Variants in IL9 observed in about 807,000 individuals in gnomAD.
IL9 encodes interleukin 9.
Under a neutral mutation model 12.9 loss-of-function variants are expected in IL9, and 16 were observed. The ratio of observed to expected loss-of-function variants is 1.24; its 90% CI spans 0.84 to 1.88. IL9 has a LOEUF of 1.88. Among genes scored for constraint, IL9 ranks in the 40% most tolerant of loss-of-function variants. The pLI is 0.00. For synonymous variants in IL9, 69 were observed against 63.8 expected, an observed-to-expected ratio of 1.08 and a Z score of -0.39; for missense variants, 170 against 173.1, an observed-to-expected ratio of 0.98 and a Z score of 0.10.
In IL9 at chr5:135,894,031, T is replaced by C; in HGVS notation, c.304A>G (p.Asn102Asp). The stretch of plus-strand genomic sequence containing the variant: ...GAAAACAAACTTACTGGACACTTGT[T>C]GTTCTTTAGTACTTCAACTGATTTT... Reference protein sequence around the residue: ...VKKSVEVLKNNKCPYFSCEQP... With the variant: ...VKKSVEVLKNDKCPYFSCEQP... The change falls in exon 4 of 5, where the codon AAC (asparagine) becomes GAC (aspartate). Residue 102 changes from asparagine to aspartate, a missense_variant. Asn to Asp is a conservative substitution (Grantham distance 23). Transcript: ENST00000274520. 2 of 1,611,620 alleles carry C rather than the reference T, an allele frequency of 1.2e-6. No individual in the cohort carries two copies. Among genetic ancestry groups the C allele is most frequent in the South Asian group, 2.2e-5 (2 of 90,230 alleles).
At chr5:135,892,748 A>G (rs1477713140) in intron 4 of IL9, among the ~76,000 whole-genome samples, 2 of 117,412 alleles carry the variant, frequency 1.7e-5, no homozygotes, top group East Asian at 3.9e-4. Context: ...ACACACACAC[A>G]CACACACACA....
intron 3 of IL9, 32 bp downstream of exon 3, chr5:135,895,408 A>C: frequency 1.3e-6 from 2 of 1,574,334 alleles, no homozygotes; most frequent in African/African-American, 2.7e-5. Flanking sequence ...AAAAAATCCA[A>C]GGTCAACATT....
rs80141609 is a variant in IL9, at chr5:135,894,941, G to A, written c.183+499C>T. Among the ~76,000 whole-genome samples the A allele has an allele frequency of 2.6e-4, 40 of 152,328 alleles. No individual in the cohort carries two copies. In the East Asian group the frequency reaches 4.8e-3, roughly 18 times the overall value. ...TCTAATCAGCTAGACAGACAACAGGGTGGTGGGGAGGAAGGGAGGAGGCAG... is the reference window on the plus strand; with the variant it reads ...TCTAATCAGCTAGACAGACAACAGGATGGTGGGGAGGAAGGGAGGAGGCAG... On this transcript the variant is annotated intron_variant, in intron 3 of 4. Coordinates refer to ENST00000274520, the MANE Select transcript of IL9 (RefSeq NM_000590.2).
intron 4 of IL9, among the ~76,000 whole-genome samples, chr5:135,893,598 C>A (rs1454807491): frequency 6.6e-6 from 1 of 152,054 alleles, no homozygotes; most frequent in Non-Finnish European, 1.5e-5. Flanking sequence ...GGCAACAGAG[C>A]AAGACTCTGT....
Position 135,894,153 on chromosome 5 carries a change from T to C in IL9, c.184-2A>G. The C allele has an allele frequency of 6.2e-7, 1 of 1,610,972 alleles. No individual in the cohort carries two copies. The highest frequency in any genetic ancestry group is 1.1e-5 in the South Asian group (1 of 90,162). On this transcript the variant is annotated splice_acceptor_variant, in intron 3 of 4. Transcript: ENST00000274520. LOFTEE classifies it high-confidence loss of function. ...GAAGCATGGTCTGGTGCAGTTGTCC[T>C]GGTAAATAGTAAGGATTTATTCAAA...
intron 3 of IL9, 94 bp downstream of exon 3, chr5:135,895,345 GT>G: frequency 2.0e-6 from 2 of 978,990 alleles, no homozygotes; most frequent in Non-Finnish European, 1.5e-6. Flanking sequence ...AAGCAACAAT[GT>G]ATAACATTAA....
At chr5:135,893,555 T>G (rs1033482445) in intron 4 of IL9, among the ~76,000 whole-genome samples, 2 of 152,110 alleles carry the variant, frequency 1.3e-5, no homozygotes, top group Admixed American at 6.5e-5. Context: ...GAGGCTGCAG[T>G]GAGCTCAGAT....
intron 4 of IL9, among the ~76,000 whole-genome samples, chr5:135,893,336 G>T (rs1270410310): frequency 6.6e-6 from 1 of 152,226 alleles, no homozygotes; most frequent in African/African-American, 2.4e-5. Flanking sequence ...TGCAGGCCAG[G>T]CATGGTGGCT....
chr5:135,895,568 T>C lies in IL9; in HGVS notation c.137A>G (p.His46Arg). The C allele has an allele frequency of 6.2e-7, 1 of 1,614,126 alleles. No homozygotes were observed. Among genetic ancestry groups the C allele is most frequent in the Non-Finnish European group, 8.5e-7 (1 of 1,179,938 alleles). The change falls in exon 2 of 5, where the codon CAC becomes CGC. Residue 46 changes from histidine to arginine, a missense_variant. Physicochemically the swap from His to Arg is conservative, Grantham distance 29. Coordinates refer to ENST00000274520, the MANE Select transcript of IL9 (RefSeq NM_000590.2). Reference sequence around the variant, plus strand: ...GCATTCACTCACATTAGCACTGCAGTGGCACTTGGAAGCTGGATCTTCCTA... The same window carrying C: ...GCATTCACTCACATTAGCACTGCAGCGGCACTTGGAAGCTGGATCTTCCTA... ...KMQEDPASKCHCSANVTSCLC... is the reference protein window; with the variant it reads ...KMQEDPASKCRCSANVTSCLC...
Position 135,894,095 on chromosome 5 carries a change from G to T in IL9, c.240C>A (p.Thr80=), listed in dbSNP as rs1342104048. The T allele has an allele frequency of 1.2e-6, 2 of 1,613,066 alleles. No homozygotes were observed. Among genetic ancestry groups the T allele is most frequent in the Non-Finnish European group, 8.5e-7 (1 of 1,179,388 alleles). ...SERLSQMTNT[T]MQTRYPLIFS... ...AAATCAGTGGGTATCTTGTTTGCAT[G>T]GTGGTATTGGTCATCTGAGACAGTC... The change falls in exon 4 of 5, where the codon ACC becomes ACA. Residue 80 remains threonine (T), a synonymous_variant. Transcript: ENST00000274520.
At chr5:135,893,689 A>G (rs1341371388) in intron 4 of IL9, among the ~76,000 whole-genome samples, 1 of 152,156 alleles carries the variant, frequency 6.6e-6, no homozygotes. Flanking sequence ...AGTACATTGA[A>G]TCTCTAGGAT....
chr5:135,895,301 T>G lies in IL9; in HGVS notation c.183+139A>C. ...GGGAATAATTTGTAACAATGTGGTT[T>G]TAACAGGGAATACTAATCTGTAACA... On this transcript the variant is annotated intron_variant, in intron 3 of 4. Coordinates refer to ENST00000274520, the MANE Select transcript of IL9 (RefSeq NM_000590.2). 1.0e-5 allele frequency: 7 copies of G among 675,742 alleles called. No individual in the cohort carries two copies. In the South Asian group the frequency reaches 1.5e-4, roughly 15 times the overall value. 41.9% of individuals were successfully genotyped at this position (675,742 alleles called of 1,614,324 possible).
chr5:135,892,733 T>TACACACACACAC (rs59978451), intron 4 of IL9, among the ~76,000 whole-genome samples: 9 of 137,774 alleles, frequency 6.5e-5, no homozygotes, highest in Non-Finnish European at 1.1e-4. Flanking sequence ...CAGGGGTCTT[T>TACACACACACAC]ACACACACAC....
chr5:135,892,363 AATAAATAGG>A lies in IL9; in HGVS notation c.*19_*27del. On this transcript the variant is annotated 3_prime_UTR_variant, in exon 5 of 5. Coordinates refer to ENST00000274520, the MANE Select transcript of IL9 (RefSeq NM_000590.2). The stretch of plus-strand genomic sequence containing the variant: ...CTTAAAGAGAAAGCTTTTTAAATTT[AATAAATAGG>A]ATAAATAATATTTCATCTTCATATC... The A allele has an allele frequency of 6.6e-7, 1 of 1,516,958 alleles. No homozygotes were observed. Among genetic ancestry groups the A allele is most frequent in the South Asian group, 1.2e-5 (1 of 80,170 alleles). The allele number at this position is 1,516,958 out of a possible 1,614,324, so 94.0% of individuals were successfully genotyped here. A position where few individuals can be genotyped will look rare whatever the true frequency, so the allele number is the denominator to read the frequency against.
In IL9 at chr5:135,895,464, A is replaced by G. The variant is rs757930597; in HGVS notation, c.159T>C (p.Ser53=). Residue 53 remains serine (S), a synonymous_variant, in exon 3 of 5, where the codon AGT becomes AGC. Coordinates refer to ENST00000274520, the MANE Select transcript of IL9 (RefSeq NM_000590.2). ...SKCHCSANVT[S]CLCLGIPSDN... ...CAGAGGGAATGCCCAAACAGAGACA[A>G]CTGGTCACCTGCAAGGGAAATTTCA... 5.0e-6 allele frequency: 8 copies of G among 1,614,002 alleles called. No homozygotes were observed. In the East Asian group the frequency reaches 1.3e-4, roughly 27 times the overall value.
rs910616239 is a variant in IL9 at position 135,894,008 on chromosome 5, A to T, written c.315+12T>A. The T allele has an allele frequency of 3.1e-6, 5 of 1,608,106 alleles. No individual in the cohort carries two copies. The highest frequency in any genetic ancestry group is 8.5e-7 in the Non-Finnish European group (1 of 1,178,344). On this transcript the variant is annotated intron_variant, in intron 4 of 4. Coordinates refer to ENST00000274520, the MANE Select transcript of IL9 (RefSeq NM_000590.2). Reference sequence around the variant, plus strand: ...ACCAACAGGAACATATCACATATGAAAACAAACTTACTGGACACTTGTTGT... The same window carrying T: ...ACCAACAGGAACATATCACATATGATAACAAACTTACTGGACACTTGTTGT...
intron 3 of IL9, 34 bp downstream of exon 3, chr5:135,895,406 C>G: frequency 6.4e-7 from 1 of 1,567,108 alleles, no homozygotes; most frequent in South Asian, 1.2e-5. Context: ...CAAAAAAATC[C>G]AAGGTCAACA....
In IL9 at chr5:135,892,365, T is replaced by A. The variant is rs775039070; in HGVS notation, c.*26A>T. ...TAAAGAGAAAGCTTTTTAAATTTAA[T>A]AAATAGGATAAATAATATTTCATCT... is the stretch of plus-strand genomic sequence containing the variant. On this transcript the variant is annotated 3_prime_UTR_variant, in exon 5 of 5. Transcript: ENST00000274520. 6.6e-7 allele frequency: 1 copy of A among 1,520,152 alleles called. No homozygotes were observed. Among genetic ancestry groups the A allele is most frequent in the Admixed American group, 2.1e-5 (1 of 47,946 alleles). The allele number at this position is 1,520,152 out of a possible 1,614,324, so 94.2% of individuals were successfully genotyped here.
At chr5:135,892,761 CA>C (rs1561570682) in intron 4 of IL9, among the ~76,000 whole-genome samples, 14 of 151,422 alleles carry the variant, frequency 9.2e-5, no homozygotes, top group African/African-American at 3.2e-4. Flanking sequence ...CACACACACA[CA>C]CACACACACA....
Sources: allele counts gnomAD v4.1 joint callset (sites outside exome capture counted in the v4.1 genomes callset), GRCh38; gene constraint gnomAD v4.1.1; transcripts MANE v1.5; gene names NCBI Gene and HGNC (gene_info 2026-07-23, HGNC 2026-07-21).